Variants in LRRC4C observed in about 807,000 individuals in gnomAD.
LRRC4C encodes leucine-rich repeat-containing protein 4C.
Under a neutral mutation model 33.6 loss-of-function variants are expected in LRRC4C, and 5 were observed. The observed-to-expected ratio is 0.15, with a 90% CI of 0.08 to 0.31. The LOEUF is 0.31. LRRC4C is among the 10% of genes least tolerant of loss of function. The pLI is 1.00. For synonymous variants in LRRC4C, 329 were observed against 302.0 expected (o/e 1.09, Z -0.93); for missense variants, 560 against 796.7 (o/e 0.70, Z 3.58).
At chr11:41,151,510 C>T (rs1452948942) in intron 1 of LRRC4C, among the ~76,000 whole-genome samples, 1 of 152,164 alleles carries the variant, frequency 6.6e-6, no homozygotes, top group Non-Finnish European at 1.5e-5. Context: ...GCAGTGTGGA[C>T]ATGTTTTCAT....
At chr11:41,327,237 T>C (rs1431370588) in intron 1 of LRRC4C, among the ~76,000 whole-genome samples, 1 of 152,184 alleles carries the variant, frequency 6.6e-6, no homozygotes, top group East Asian at 1.9e-4. Context: ...CTAATCTCCC[T>C]TGAGTTTCCA....
At chr11:40,273,718 G>A (rs1942880232) in intron 4 of LRRC4C, among the ~76,000 whole-genome samples, 1 of 152,100 alleles carries the variant, frequency 6.6e-6, no homozygotes, top group Admixed American at 6.6e-5. Context: ...TGTAAACACA[G>A]TTCTGTGACA....
chr11:41,437,557 C>T (rs375889627), intron 1 of LRRC4C, among the ~76,000 whole-genome samples: 2 of 152,122 alleles, frequency 1.3e-5, no homozygotes, highest in Non-Finnish European at 2.9e-5. Flanking sequence ...TACACTCATC[C>T]CCAGGCTTTT....
At chr11:41,185,935 A>G (rs1945676079) in intron 1 of LRRC4C, among the ~76,000 whole-genome samples, 1 of 152,098 alleles carries the variant, frequency 6.6e-6, no homozygotes, top group African/African-American at 2.4e-5. Flanking sequence ...AAAATTATTC[A>G]TTTATGTATA....
chr11:40,225,619 CTT>C (rs34973833), intron 5 of LRRC4C, among the ~76,000 whole-genome samples: 10 of 140,786 alleles, frequency 7.1e-5, no homozygotes, highest in Admixed American at 2.1e-4. Flanking sequence ...CTCTCTCTCT[CTT>C]TTTTTTTTTT....
intron 1 of LRRC4C, among the ~76,000 whole-genome samples, chr11:41,225,675 C>T (rs1219635849): frequency 6.6e-6 from 1 of 151,994 alleles, no homozygotes; most frequent in Non-Finnish European, 1.5e-5. Context: ...CATATATAAA[C>T]ATTTTTTAAA....
At chr11:40,832,859 T>C (rs1952481839) in intron 2 of LRRC4C, among the ~76,000 whole-genome samples, 1 of 152,174 alleles carries the variant, frequency 6.6e-6, no homozygotes, top group African/African-American at 2.4e-5. Context: ...ATGCTATGCC[T>C]ATTAATATAA....
intron 3 of LRRC4C, among the ~76,000 whole-genome samples, chr11:40,331,314 A>G (rs988447849): frequency 1.3e-5 from 2 of 152,216 alleles, no homozygotes; most frequent in African/African-American, 4.8e-5. Flanking sequence ...AATCAAAGCT[A>G]AAGGAAAGAA....
chr11:40,325,932 T>C (rs1004427848), intron 3 of LRRC4C, among the ~76,000 whole-genome samples: 1 of 152,118 alleles, frequency 6.6e-6, no homozygotes, highest in East Asian at 1.9e-4. Flanking sequence ...CAGAGGCATG[T>C]ATCTTTAAGT....
chr11:40,127,487 A>G (rs563625086), intron 6 of LRRC4C, among the ~76,000 whole-genome samples: 2 of 152,262 alleles, frequency 1.3e-5, no homozygotes, highest in East Asian at 3.9e-4. Context: ...ATTGAGGGGC[A>G]CTGCAAGCCT....
chr11:40,880,861 G>GTATA (rs1554985311), intron 2 of LRRC4C, among the ~76,000 whole-genome samples: 4 of 50,268 alleles, frequency 8.0e-5, no homozygotes, highest in East Asian at 7.2e-4. Flanking sequence ...AAATGTGTGT[G>GTATA]TGTATATATA....
intron 1 of LRRC4C, among the ~76,000 whole-genome samples, chr11:41,055,780 T>C (rs1042770635): frequency 6.6e-6 from 1 of 152,146 alleles, no homozygotes; most frequent in African/African-American, 2.4e-5. Flanking sequence ...TCTAGTTATG[T>C]GGCAGTAGGA....
chr11:41,229,980 TA>T, intron 1 of LRRC4C, among the ~76,000 whole-genome samples: 1 of 152,272 alleles, frequency 6.6e-6, no homozygotes, highest in South Asian at 2.1e-4. Context: ...GCCTTAATTT[TA>T]AAATACCAGA....
At chr11:41,024,363 A>G (rs1031111306) in intron 1 of LRRC4C, among the ~76,000 whole-genome samples, 1 of 151,738 alleles carries the variant, frequency 6.6e-6, no homozygotes, top group African/African-American at 2.4e-5. Flanking sequence ...TTTGCCATGG[A>G]ATCTTGGTGT....
At chr11:40,856,491 G>T (rs1953789522) in intron 2 of LRRC4C, among the ~76,000 whole-genome samples, 1 of 152,048 alleles carries the variant, frequency 6.6e-6, no homozygotes, top group African/African-American at 2.4e-5. Flanking sequence ...TGTGCTTCTG[G>T]AATTCGCATA....
intron 1 of LRRC4C, among the ~76,000 whole-genome samples, chr11:40,944,199 A>C (rs1048241906): frequency 1.3e-5 from 2 of 152,220 alleles, no homozygotes; most frequent in African/African-American, 4.8e-5. Flanking sequence ...GAAGAGTTTA[A>C]GATTTCATCA....
intron 2 of LRRC4C, among the ~76,000 whole-genome samples, chr11:40,884,077 G>A (rs908144074): frequency 2.6e-5 from 4 of 151,612 alleles, no homozygotes; most frequent in Admixed American, 6.6e-5. Flanking sequence ...CCCCTACCCC[G>A]TGACAGGCCC....
chr11:40,208,948 C>CGTGTGTGTGTGTGTGTGT (rs58767227), intron 5 of LRRC4C, among the ~76,000 whole-genome samples: 7 of 146,640 alleles, frequency 4.8e-5, no homozygotes, highest in Non-Finnish European at 7.5e-5. Flanking sequence ...CTTTTGTGCA[C>CGTGTGTGTGTGTGTGTGT]GTGTGTGTGT....
At chr11:41,075,790 C>T (rs1939107475) in intron 1 of LRRC4C, among the ~76,000 whole-genome samples, 2 of 152,152 alleles carry the variant, frequency 1.3e-5, no homozygotes, top group Admixed American at 1.3e-4. Flanking sequence ...AGATTTTAAA[C>T]TCTGCCATTT....
Sources: gnomAD v4.1 joint callset for allele counts (sites outside exome capture counted in the v4.1 genomes callset) on GRCh38, gnomAD v4.1.1 for gene constraint, MANE v1.5 for transcripts, NCBI Gene and HGNC (gene_info 2026-07-23, HGNC 2026-07-21) for gene names.